UPB1: variants seen among roughly 807,000 people sequenced by gnomAD.
UPB1 encodes the protein beta-ureidopropionase.
A neutral mutation model predicts 49.1 loss-of-function variants in UPB1; 40 were observed. That is an observed-to-expected ratio of 0.81 (90% CI 0.63 to 1.06). UPB1 has a LOEUF of 1.06. UPB1 is among the 50% of genes least tolerant of loss of function. The probability of loss-of-function intolerance (pLI) is 0.00; values close to 1 mark genes in which losing one functional copy is unlikely to be tolerated. For synonymous variants in UPB1, 207 were observed against 198.2 expected, an observed-to-expected ratio of 1.04 and a Z score of -0.38; for missense variants, 499 against 505.9, an observed-to-expected ratio of 0.99 and a Z score of 0.13.
intron 3 of UPB1, among the ~76,000 whole-genome samples, chr22:24,507,961 T>C (rs978863480): frequency 6.6e-6 from 1 of 152,028 alleles, no homozygotes; most frequent in South Asian, 2.1e-4. Flanking sequence ...CCCCCCAATA[T>C]AACCAACCAC....
At chr22:24,512,039 A>C (rs1005595116) in intron 4 of UPB1, among the ~76,000 whole-genome samples, 20 of 152,166 alleles carry the variant, frequency 1.3e-4, no homozygotes, top group African/African-American at 4.6e-4. Context: ...CAGGTTTTAT[A>C]CATATACTTA....
intron 3 of UPB1, 50 bp from the exon 4 acceptor site, chr22:24,510,699 T>C (rs1389243543): frequency 3.1e-6 from 5 of 1,589,726 alleles, no homozygotes; most frequent in Non-Finnish European, 4.3e-6. Flanking sequence ...GGAGCCCCCC[T>C]CAGAGGCTGT....
chr22:24,521,214 G>A (rs1229045458), intron 7 of UPB1, among the ~76,000 whole-genome samples: 2 of 148,996 alleles, frequency 1.3e-5, no homozygotes, highest in Non-Finnish European at 3.0e-5. Flanking sequence ...AGGTGCGGAC[G>A]CTCATGCCTG....
chr22:24,510,895 C>T (rs1243683518), intron 4 of UPB1, 52 bp downstream of exon 4: 3 of 1,577,294 alleles, frequency 1.9e-6, no homozygotes, highest in Admixed American at 1.7e-5. Context: ...GTGCAAGTCA[C>T]AGAGCATGAC....
rs774463496 is a variant in UPB1, at chr22:24,513,383, T to C, written c.519T>C (p.His173=). The change falls in exon 5 of 10, where the codon CAT becomes CAC. Residue 173 remains histidine (H), a synonymous_variant. Coordinates refer to ENST00000326010, the MANE Select transcript of UPB1 (RefSeq NM_016327.3). ...VSPILERDSE[H]GDVLWNTAVV... is the part of the protein sequence containing the mutation. ...CCATCCTGGAACGAGACAGCGAGCA[T>C]GGGGATGTTTTGTGGAATACAGCCG... The C allele has an allele frequency of 1.6e-5, 26 of 1,614,188 alleles. No homozygotes were observed. Among genetic ancestry groups the C allele is most frequent in the Non-Finnish European group, 2.1e-5 (25 of 1,180,038 alleles).
In UPB1 at chr22:24,522,263, C is replaced by T. The variant is rs2298385; in HGVS notation, c.916+235C>T. Among the ~76,000 whole-genome samples, 49 of 152,232 alleles carry T rather than the reference C, an allele frequency of 3.2e-4. No homozygotes were observed. The East Asian group carries it at 8.5e-3, about 26-fold the overall frequency. On this transcript the variant is annotated intron_variant, in intron 8 of 9. Transcript: ENST00000326010. ...AGTGGGTTGGACTCCATCCATTCCC[C>T]GGGACTGGTGTGAAGATGAACCAAG... is the stretch of plus-strand genomic sequence containing the variant.
chr22:24,514,220 G>A (rs954596613), intron 5 of UPB1, among the ~76,000 whole-genome samples: 4 of 152,198 alleles, frequency 2.6e-5, no homozygotes, highest in African/African-American at 9.6e-5. Context: ...GGTCCTGGCC[G>A]TTCTCAGGCT....
rs1442722689 is a variant in UPB1 at position 24,526,173 on chromosome 22, G to C, written c.*379G>C. 4 of 342,554 alleles carry C rather than the reference G, an allele frequency of 1.2e-5. No homozygotes were observed. Among genetic ancestry groups the C allele is most frequent in the African/African-American group, 2.1e-5 (1 of 46,722 alleles). The allele number at this position is 342,554 out of a possible 1,614,324, so 21.2% of individuals were successfully genotyped here. On this transcript the variant is annotated 3_prime_UTR_variant, in exon 10 of 10. Transcript: ENST00000326010. ...CCGTACACCAGTGGGAAGAGGGTGA[G>C]GGCTGATCCAGAGACCCTGAGCCTA...
chr22:24,517,903 A>G (rs146737651), intron 6 of UPB1, among the ~76,000 whole-genome samples: 44 of 152,318 alleles, frequency 2.9e-4, no homozygotes, highest in Non-Finnish European at 5.0e-4. Flanking sequence ...AGTAGCTCAC[A>G]TTTGTAATCC....
chr22:24,523,262 G>A (rs1370272097), intron 8 of UPB1, among the ~76,000 whole-genome samples: 1 of 152,204 alleles, frequency 6.6e-6, no homozygotes, highest in Non-Finnish European at 1.5e-5. Flanking sequence ...GACGCAGCTG[G>A]CAAGGCAGAT....
intron 3 of UPB1, among the ~76,000 whole-genome samples, chr22:24,507,000 G>T (rs1242391918): frequency 8.4e-6 from 1 of 119,438 alleles, no homozygotes; most frequent in Non-Finnish European, 2.0e-5. Flanking sequence ...CAGTTCCTGA[G>T]GGCCAGGTGT....
At chr22:24,520,921 G>C (rs193159532) in intron 7 of UPB1, among the ~76,000 whole-genome samples, 1 of 152,244 alleles carries the variant, frequency 6.6e-6, no homozygotes, top group East Asian at 1.9e-4. Context: ...GGTGGCTCAT[G>C]CTTGTAATCC....
rs537964947 is a variant in UPB1, at chr22:24,517,459, A to T, written c.791+2089A>T. Among the ~76,000 whole-genome samples, 13 of 152,282 alleles carry T rather than the reference A, an allele frequency of 8.5e-5. No homozygotes were observed. In the East Asian group the frequency reaches 2.5e-3, roughly 29 times the overall value. On this transcript the variant is annotated intron_variant, in intron 6 of 9. Transcript: ENST00000326010. ...GACACTTGGCAAGCTCCATCTTCCC[A>T]CTGGGGTCCCTAGAGGAACCCGAAG...
intron 2 of UPB1, among the ~76,000 whole-genome samples, chr22:24,501,805 G>A (rs1032048456): frequency 6.6e-6 from 1 of 152,164 alleles, no homozygotes; most frequent in African/African-American, 2.4e-5. Context: ...CTGGGAGATG[G>A]GTGTGAACGT....
chr22:24,518,852 G>A (rs901934298), intron 6 of UPB1, among the ~76,000 whole-genome samples: 4 of 152,126 alleles, frequency 2.6e-5, no homozygotes, highest in Admixed American at 6.6e-5. Context: ...TTTCCACTGC[G>A]ATTATTTTTA....
At chr22:24,510,093 A>G (rs1486576819) in intron 3 of UPB1, among the ~76,000 whole-genome samples, 4 of 152,070 alleles carry the variant, frequency 2.6e-5, no homozygotes, top group Admixed American at 6.5e-5. Context: ...TTAGCCAGGC[A>G]TGGTGGCGCA....
intron 1 of UPB1, among the ~76,000 whole-genome samples, chr22:24,497,247 C>T (rs2043908797): frequency 6.6e-6 from 1 of 152,132 alleles, no homozygotes; most frequent in African/African-American, 2.4e-5. Context: ...AGGAAAGAGA[C>T]ATAAAACATT....
At chr22:24,508,607 G>A (rs1568986268) in intron 3 of UPB1, among the ~76,000 whole-genome samples, 1 of 151,152 alleles carries the variant, frequency 6.6e-6, no homozygotes, top group Admixed American at 6.6e-5. Context: ...GCTGGGTGTG[G>A]TAGCTCATGT....
chr22:24,508,177 T>C (rs1314931977), intron 3 of UPB1, among the ~76,000 whole-genome samples: 1 of 152,168 alleles, frequency 6.6e-6, no homozygotes, highest in Non-Finnish European at 1.5e-5. Flanking sequence ...ATCACACAGC[T>C]TCCTGCACAC....
Sources: allele counts gnomAD v4.1 joint callset (sites outside exome capture counted in the v4.1 genomes callset), GRCh38; gene constraint gnomAD v4.1.1; transcripts MANE v1.5; gene names NCBI Gene and HGNC (gene_info 2026-07-23, HGNC 2026-07-21).